PGAP6: variants seen among roughly 807,000 people sequenced by gnomAD.
The protein encoded by PGAP6 is post-GPI attachment to proteins factor 6.
A neutral mutation model predicts 68.4 loss-of-function variants in PGAP6; 62 were observed. That is an observed-to-expected ratio of 0.91 (90% CI 0.74 to 1.12). The LOEUF is 1.12. Ranked by LOEUF, PGAP6 falls within the 50% of genes most tolerant of loss-of-function variation. The pLI is 0.00. For synonymous variants in PGAP6, 575 were observed against 474.0 expected (o/e 1.21, Z -2.77); for missense variants, 1,188 against 1,068.5 (o/e 1.11, Z -1.56).
At chr16:379,926 C>T (rs116136005) in intron 1 of PGAP6, among the ~76,000 whole-genome samples, 2,904 of 152,354 alleles carry the variant, frequency 0.019, 46 homozygotes, top group African/African-American at 0.041. Flanking sequence ...AGCCCCTCCA[C>T]GGACACAGGG....
Position 372,456 on chromosome 16 carries a change from C to T in PGAP6, c.2019+155G>A. ...GGTCCTCAGGCCCAGGCCTCAGGGA[C>T]ACAGCCATGCTGGGCCTCTGTGGGT... On this transcript the variant is annotated intron_variant, in intron 12 of 12. Transcript: ENST00000431232. The T allele has an allele frequency of 1.0e-5, 10 of 959,424 alleles. No homozygotes were observed. In the South Asian group the frequency reaches 1.3e-4, roughly 13 times the overall value. 59.4% of individuals were successfully genotyped at this position (959,424 alleles called of 1,614,324 possible). A position where few individuals can be genotyped will look rare whatever the true frequency, so the allele number is the denominator to read the frequency against.
chr16:372,267 T>C lies in PGAP6; in HGVS notation c.2036A>G (p.His679Arg). Residue 679 changes from histidine to arginine, a missense_variant, in exon 13 of 13, where the codon CAC becomes CGC. Transcript: ENST00000431232. Reference sequence around the variant, plus strand: ...CGAGGTGGGGTAGCACTGGCGCCGGTGCCCGCAGCGGTAAGCCTGGAGAAA... The same window carrying C: ...CGAGGTGGGGTAGCACTGGCGCCGGCGCCCGCAGCGGTAAGCCTGGAGAAA... The part of the protein sequence containing the change: ...MASMWAYRCG[H>R]RRQCYPTSWQ... 1.2e-6 allele frequency: 2 copies of C among 1,610,298 alleles called. No individual in the cohort carries two copies. The highest frequency in any genetic ancestry group is 1.7e-6 in the Non-Finnish European group (2 of 1,179,742).
In PGAP6 at chr16:377,921, C is replaced by A. The variant is rs908960286; in HGVS notation, c.122-73G>T. 3 of 1,390,438 alleles carry A rather than the reference C, an allele frequency of 2.2e-6. No homozygotes were observed. In the African/African-American group the frequency reaches 4.4e-5, roughly 20 times the overall value. The allele number at this position is 1,390,438 out of a possible 1,614,324, so 86.1% of individuals were successfully genotyped here. The stretch of plus-strand genomic sequence containing the variant: ...CCGCAGATGGGGAGGACGAGTCCCC[C>A]AGATGGAAAGGGCTGGAAGCCCCCG... On this transcript the variant is annotated intron_variant, in intron 1 of 12. Coordinates refer to ENST00000431232, the MANE Select transcript of PGAP6 (RefSeq NM_021259.3).
rs1340686797 is a variant in PGAP6, at chr16:377,060, G to A, written c.612C>T (p.Leu204=). Residue 204 remains leucine (L), a synonymous_variant, in exon 4 of 13, where the codon CTC becomes CTT. Transcript: ENST00000431232. ...MEPDVPLPQT[L]LSHPSYLKVF... ...ACTTGAGGTAGCTGGGATGGGAGAG[G>A]AGGGTCTGAGGAAGGGGCACGTCCG... The A allele has an allele frequency of 6.2e-7, 1 of 1,613,264 alleles. No homozygotes were observed. The highest frequency in any genetic ancestry group is 1.1e-5 in the South Asian group (1 of 91,088).
At position 375,692 on chromosome 16, in the gene PGAP6, C is replaced by T. The variant is rs561417437; in HGVS notation, c.1225-257G>A. Among the ~76,000 whole-genome samples the T allele has an allele frequency of 2.5e-3, 378 of 152,246 alleles. 1 individual carries two copies. The highest frequency in any genetic ancestry group is 8.6e-3 in the African/African-American group (359 of 41,548). The stretch of plus-strand genomic sequence containing the variant: ...GACTACAGGCGCCCGCCACCACGCC[C>T]GGCTAATTTTTGTATTTTCAGTAGA... On this transcript the variant is annotated intron_variant, in intron 6 of 12. Coordinates refer to ENST00000431232, the MANE Select transcript of PGAP6 (RefSeq NM_021259.3).
In PGAP6 at chr16:381,926, T is replaced by G. The variant is rs1266493857; in HGVS notation, c.-105A>C. On this transcript the variant is annotated 5_prime_UTR_variant, in exon 1 of 13. Transcript: ENST00000431232. ...CCTCCGCCTCTGCCGCCTCCGCCTC[T>G]GCCCCCGGCGCCCATGGCCCGGCCG... is the stretch of plus-strand genomic sequence containing the variant. 1.0e-6 allele frequency: 1 copy of G among 969,520 alleles called. No individual in the cohort carries two copies. The highest frequency in any genetic ancestry group is 1.2e-6 in the Non-Finnish European group (1 of 819,036). The allele number at this position is 969,520 out of a possible 1,614,324, so 60.1% of individuals were successfully genotyped here. A position where few individuals can be genotyped will look rare whatever the true frequency, so the allele number is the denominator to read the frequency against.
upstream of PGAP6, among the ~76,000 whole-genome samples, chr16:385,372 A>G (rs543816369): frequency 2.1e-3 from 243 of 117,156 alleles, no homozygotes; most frequent in Non-Finnish European, 3.1e-3. Context: ...GAGTGCAGTG[A>G]TGCGATCTCG....
rs2054342842 is a variant in PGAP6, at chr16:372,382, GGCA to G, written c.2020-102_2020-100del. The G allele has an allele frequency of 3.7e-6, 5 of 1,357,118 alleles. No homozygotes were observed. In the East Asian group the frequency reaches 9.4e-5, roughly 26 times the overall value. 84.1% of individuals were successfully genotyped at this position (1,357,118 alleles called of 1,614,324 possible). On this transcript the variant is annotated intron_variant, in intron 12 of 12. Transcript: ENST00000431232. ...GTTACTGGGGGCCTGCCCAGGTCTGGGCAGCAGAACGACAAGGGTGGGCTGCTT... is the reference window on the plus strand; with the variant it reads ...GTTACTGGGGGCCTGCCCAGGTCTGGGCAGAACGACAAGGGTGGGCTGCTT...
Position 374,895 on chromosome 16 carries a change from T to C in PGAP6, c.1440-3A>G, listed in dbSNP as rs532366818. 6.2e-7 allele frequency: 1 copy of C among 1,612,636 alleles called. No homozygotes were observed. The highest frequency in any genetic ancestry group is 1.3e-5 in the African/African-American group (1 of 75,026). ...GGACCACAGCCTGCTCACAGTCCCT[T>C]TGAGGAAGGGGCCACAGGAAAGCTG... On this transcript the variant is annotated splice_polypyrimidine_tract_variant and splice_region_variant and intron_variant, in intron 8 of 12. Transcript: ENST00000431232.
At chr16:386,875 A>G, upstream of PGAP6, 1 of 646,900 alleles carries the variant, frequency 1.5e-6, no homozygotes. Flanking sequence ...CACATAAAAA[A>G]GAAGACCCGC....
rs2054381048 is a variant in PGAP6 at position 376,206 on chromosome 16, A to C, written c.1154T>G (p.Val385Gly). Residue 385 changes from valine to glycine, a missense_variant, in exon 6 of 13, where the codon GTG becomes GGG. Physicochemically the swap from Val to Gly is moderately radical, Grantham distance 109. Coordinates refer to ENST00000431232, the MANE Select transcript of PGAP6 (RefSeq NM_021259.3). ...SVRVCSDTPS[V>G]MRLRLNTGMD... ...GCCGGTGTTCAGGCGCAGCCGCATC[A>C]CGGAGGGCGTGTCCGAACACACCCT... The C allele has an allele frequency of 3.1e-6, 5 of 1,612,638 alleles. No individual in the cohort carries two copies. Among genetic ancestry groups the C allele is most frequent in the Non-Finnish European group, 4.2e-6 (5 of 1,179,944 alleles).
intron 11 of PGAP6, among the ~76,000 whole-genome samples, chr16:373,427 A>C (rs1455394081): frequency 6.6e-6 from 1 of 152,202 alleles, no homozygotes; most frequent in Non-Finnish European, 1.5e-5. Context: ...TCTCGAAGGC[A>C]GGGGGCCTGG....
At position 371,024 on chromosome 16, in the gene PGAP6, G is replaced by C. The variant is rs933052701; in HGVS notation, c.*963C>G. On this transcript the variant is annotated 3_prime_UTR_variant, in exon 13 of 13. Coordinates refer to ENST00000431232, the MANE Select transcript of PGAP6 (RefSeq NM_021259.3). The stretch of plus-strand genomic sequence containing the variant: ...ACAAGACCCAGAAGGGAAGCCCCCA[G>C]AGCCAAGGGTAGGAGGGCCCCACCC... 1 of 152,304 alleles carries C rather than the reference G, an allele frequency of 6.6e-6. No individual in the cohort carries two copies. The highest frequency in any genetic ancestry group is 2.4e-5 in the African/African-American group (1 of 41,450). 9.4% of individuals were successfully genotyped at this position (152,304 alleles called of 1,614,324 possible).
At chr16:383,828 C>A (rs2054464467), upstream of PGAP6, among the ~76,000 whole-genome samples, 2 of 141,434 alleles carry the variant, frequency 1.4e-5, no homozygotes, top group African/African-American at 2.5e-5. Context: ...TTTTGAACGC[C>A]GCAGCGGGTG....
At chr16:378,204 C>CAGCACTGCCATCGCCACT in intron 1 of PGAP6, among the ~76,000 whole-genome samples, 1 of 88,636 alleles carries the variant, frequency 1.1e-5, no homozygotes, top group Non-Finnish European at 2.4e-5. Context: ...CCATCGCCAC[C>CAGCACTGCCATCGCCACT]CTGACTGCCA....
chr16:377,967 G>A (rs2054402094), intron 1 of PGAP6, 119 bp from the exon 2 acceptor site: 2 of 861,314 alleles, frequency 2.3e-6, no homozygotes, highest in Non-Finnish European at 3.5e-6. Flanking sequence ...TGGAGATCTT[G>A]GCACACCAAC....
chr16:380,997 C>T (rs985350942), intron 1 of PGAP6, among the ~76,000 whole-genome samples: 83 of 152,252 alleles, frequency 5.5e-4, no homozygotes, highest in African/African-American at 1.9e-3. Context: ...GGTCTCCACA[C>T]CCACGTCCCT....
chr16:372,205 A>G lies in PGAP6; in HGVS notation c.2098T>C (p.Ser700Pro), dbSNP rs768550365. The stretch of plus-strand genomic sequence containing the variant: ...ATGGCGATGCCCACAGAGGCCATAG[A>G]GACGCCGGGCAGGAGGTAGAAGGCC... ...RWAFYLLPGVSMASVGIAIYT... is the reference protein window; with the variant it reads ...RWAFYLLPGVPMASVGIAIYT... The change falls in exon 13 of 13, where the codon TCT becomes CCT. Residue 700 changes from serine (S) to proline (P), a missense_variant. Coordinates refer to ENST00000431232, the MANE Select transcript of PGAP6 (RefSeq NM_021259.3). The G allele has an allele frequency of 6.2e-7, 1 of 1,612,602 alleles. No homozygotes were observed. The highest frequency in any genetic ancestry group is 8.5e-7 in the Non-Finnish European group (1 of 1,179,952).
upstream of PGAP6, chr16:386,882 C>A (rs1224851028): frequency 1.6e-6 from 1 of 637,810 alleles, no homozygotes; most frequent in South Asian, 1.4e-5. Context: ...AAAAGAAGAC[C>A]CGCACGTCAC....
Sources: gnomAD v4.1 joint callset for allele counts (sites outside exome capture counted in the v4.1 genomes callset) on GRCh38, gnomAD v4.1.1 for gene constraint, MANE v1.5 for transcripts, NCBI Gene and HGNC (gene_info 2026-07-23, HGNC 2026-07-21) for gene names.